The following FRMPD3 variants were observed in gnomAD, a reference collection of about 807,000 sequenced individuals.
The protein encoded by FRMPD3 is FERM and PDZ domain-containing protein 3.
Under a neutral mutation model 97.9 loss-of-function variants are expected in FRMPD3, and 42 were observed. The ratio of observed to expected loss-of-function variants is 0.43; its 90% CI spans 0.34 to 0.55. FRMPD3 has a LOEUF of 0.55. FRMPD3 is among the 20% of genes least tolerant of loss of function. FRMPD3 has a pLI of 0.03. For missense variants in FRMPD3, 1,303 were observed against 1,457.7 expected, an observed-to-expected ratio of 0.89 and a Z score of 1.73; for synonymous variants, 577 against 581.1, an observed-to-expected ratio of 0.99 and a Z score of 0.10.
intron 3 of FRMPD3, among the ~76,000 whole-genome samples, chrX:107,532,392 G>A (rs1443490601): frequency 8.9e-6 from 1 of 112,245 alleles, no homozygotes; most frequent in African/African-American, 3.2e-5. Context: ...AGTTGGTAAG[G>A]AAAGAGGAGA....
intron 1 of FRMPD3, among the ~76,000 whole-genome samples, chrX:107,459,814 A>G (rs946445289): frequency 3.6e-5 from 4 of 111,180 alleles, no homozygotes; most frequent in Non-Finnish European, 7.5e-5. Flanking sequence ...CCACTGGGAA[A>G]ACAGAGGAAC....
At chrX:107,565,932 T>C (rs1412599630) in intron 12 of FRMPD3, among the ~76,000 whole-genome samples, 1 of 111,547 alleles carries the variant, frequency 9.0e-6, no homozygotes, top group Non-Finnish European at 1.9e-5. Flanking sequence ...CCTTGAGTCA[T>C]TGAAGAGAGG....
At chrX:107,576,161 A>G (rs183811347) in intron 12 of FRMPD3, among the ~76,000 whole-genome samples, 154 bp from the exon 13 acceptor site, 1 of 112,695 alleles carries the variant, frequency 8.9e-6, no homozygotes, top group African/African-American at 3.2e-5. Context: ...AAATCAGAAT[A>G]AACTATTTGT....
chrX:107,449,996 G>A lies in FRMPD3; in HGVS notation c.-17G>A, dbSNP rs1303648137. Among the ~76,000 whole-genome samples the A allele has an allele frequency of 9.0e-6, 1 of 110,891 alleles. No homozygotes were observed. Among genetic ancestry groups the A allele is most frequent in the Admixed American group, 9.4e-5 (1 of 10,684 alleles). On this transcript the variant is annotated 5_prime_UTR_variant, in exon 1 of 15. Transcript: ENST00000683843. ...GGAGGAAGAGGAGGAGGAAGAGGAG[G>A]GGGAGGAAGGTAAGAGGCGCGCTGC...
chrX:107,503,065 G>A (rs376154705), intron 1 of FRMPD3, among the ~76,000 whole-genome samples: 2 of 111,655 alleles, frequency 1.8e-5, no homozygotes, highest in East Asian at 2.8e-4. Context: ...GGAATGGGGG[G>A]GTTTCACAGG....
chrX:107,603,381 G>A lies in FRMPD3; in HGVS notation c.*8G>A. 8.8e-7 allele frequency: 1 copy of A among 1,133,634 alleles called. No individual in the cohort carries two copies. The highest frequency in any genetic ancestry group is 1.2e-6 in the Non-Finnish European group (1 of 854,779). The allele number at this position is 1,133,634 out of a possible 1,213,427, so 93.4% of individuals were successfully genotyped here. A position where few individuals can be genotyped will look rare whatever the true frequency, so the allele number is the denominator to read the frequency against. ...AAAACCCTTATTAAGTAGGGCATCT[G>A]CCCACACCTGTCCCCCTTCCCCAAC... is the stretch of plus-strand genomic sequence containing the variant. On this transcript the variant is annotated 3_prime_UTR_variant, in exon 15 of 15. Coordinates refer to ENST00000683843, the MANE Select transcript of FRMPD3 (RefSeq NM_001388459.1).
In FRMPD3 at chrX:107,557,797, C is replaced by CTATATATATA. The variant is rs59276897; in HGVS notation, c.763-2425_763-2416dup. ...TGTACTTTTGTTAAAAATCTGTTGTCTATATATATATATATATATATATAT... is the reference window on the plus strand; with the variant it reads ...TGTACTTTTGTTAAAAATCTGTTGTCTATATATATATATATATATATATATATATATATAT... On this transcript the variant is annotated intron_variant, in intron 8 of 14. Transcript: ENST00000683843. Among the ~76,000 whole-genome samples, 50 of 30,024 alleles carry CTATATATATA rather than the reference C, an allele frequency of 1.7e-3. 1 individual carries two copies. The highest frequency in any genetic ancestry group is 8.9e-3 in the South Asian group (2 of 225). The allele number at this position is 30,024 out of a possible 115,157, so 26.1% of individuals were successfully genotyped here. A position where few individuals can be genotyped will look rare whatever the true frequency, so the allele number is the denominator to read the frequency against.
rs1348940009 is a variant in FRMPD3 at position 107,600,240 on chromosome X, G to A, written c.2264-63G>A. On this transcript the variant is annotated intron_variant, in intron 14 of 14. Transcript: ENST00000683843. ...CGCCCATGAATACCGAGGGACAACC[G>A]TGTAGAGCTGGAAAAGAACTTGATT... is the stretch of plus-strand genomic sequence containing the variant. 3.5e-5 allele frequency: 40 copies of A among 1,128,647 alleles called. No homozygotes were observed. In the South Asian group the frequency reaches 3.7e-4, roughly 11 times the overall value. 93.0% of individuals were successfully genotyped at this position (1,128,647 alleles called of 1,213,427 possible). A position where few individuals can be genotyped will look rare whatever the true frequency, so the allele number is the denominator to read the frequency against.
intron 6 of FRMPD3, among the ~76,000 whole-genome samples, chrX:107,550,985 A>C (rs2147581732): frequency 8.9e-6 from 1 of 111,982 alleles, no homozygotes; most frequent in African/African-American, 3.2e-5. Flanking sequence ...TAAGTAAAGA[A>C]ACTCTTGGAC....
intron 14 of FRMPD3, among the ~76,000 whole-genome samples, chrX:107,599,123 A>T (rs1412505122): frequency 9.1e-6 from 1 of 110,490 alleles, no homozygotes; most frequent in Non-Finnish European, 1.9e-5. Context: ...AAATACAAAA[A>T]TTAACTGGGT....
intron 4 of FRMPD3, among the ~76,000 whole-genome samples, chrX:107,535,672 C>CA (rs772729164): frequency 0.069 from 2,475 of 35,614 alleles, 90 homozygotes; most frequent in African/African-American, 0.14. Context: ...GACTCCATCT[C>CA]AAAAAAAAAA....
intron 3 of FRMPD3, among the ~76,000 whole-genome samples, chrX:107,531,596 C>G (rs1922971518): frequency 9.0e-6 from 1 of 111,441 alleles, no homozygotes; most frequent in South Asian, 3.8e-4. Flanking sequence ...TCCTGAAGTC[C>G]AGAGCATGTC....
intron 10 of FRMPD3, among the ~76,000 whole-genome samples, chrX:107,561,195 CAT>C (rs1252681719): frequency 2.7e-5 from 3 of 111,388 alleles, no homozygotes; most frequent in African/African-American, 9.8e-5. Context: ...TAGGGAGGCA[CAT>C]GTTTTCCATG....
chrX:107,567,217 C>G (rs188990683), intron 12 of FRMPD3, among the ~76,000 whole-genome samples: 1 of 111,294 alleles, frequency 9.0e-6, no homozygotes, highest in East Asian at 2.8e-4. Flanking sequence ...AACTCCTGGG[C>G]TCAAGCAGTC....
intron 1 of FRMPD3, among the ~76,000 whole-genome samples, chrX:107,461,254 A>G (rs896810382): frequency 8.9e-6 from 1 of 111,775 alleles, no homozygotes; most frequent in Non-Finnish European, 1.9e-5. Flanking sequence ...TTTTAAATTC[A>G]TCACATCTAG....
intron 12 of FRMPD3, among the ~76,000 whole-genome samples, chrX:107,574,385 T>G (rs780515864): frequency 8.9e-6 from 1 of 112,600 alleles, no homozygotes; most frequent in African/African-American, 3.2e-5. Context: ...AAAGTTCTGT[T>G]AGAACACAGT....
chrX:107,450,507 A>G (rs1931264233), intron 1 of FRMPD3, among the ~76,000 whole-genome samples: 1 of 108,832 alleles, frequency 9.2e-6, no homozygotes, highest in Admixed American at 9.7e-5. Context: ...ACACACGCAC[A>G]CACAGCCGCA....
chrX:107,565,895 TGGG>T (rs999026684), intron 12 of FRMPD3, among the ~76,000 whole-genome samples: 2 of 111,336 alleles, frequency 1.8e-5, no homozygotes, highest in Non-Finnish European at 3.8e-5. Flanking sequence ...GCACAGCAGT[TGGG>T]GGGCCCTGCC....
chrX:107,477,958 A>T (rs1921245723), intron 1 of FRMPD3, among the ~76,000 whole-genome samples: 1 of 111,173 alleles, frequency 9.0e-6, no homozygotes, highest in African/African-American at 3.3e-5. Context: ...AATCCAAAGC[A>T]TGCCGGCCCT....
Sources: allele counts gnomAD v4.1 joint callset (sites outside exome capture counted in the v4.1 genomes callset), GRCh38; gene constraint gnomAD v4.1.1; transcripts MANE v1.5; gene names NCBI Gene and HGNC (gene_info 2026-07-23, HGNC 2026-07-21).